The following CPNE4 variants were observed in gnomAD, a reference collection of about 807,000 sequenced individuals.
CPNE4 encodes the protein copine-4.
CPNE4 carries 25 observed loss-of-function variants against 67.9 expected under a neutral mutation model. That is an observed-to-expected ratio of 0.37 (90% CI 0.27 to 0.51). The LOEUF (loss-of-function observed/expected upper bound fraction) is 0.51, where lower values mean the gene tolerates loss of function less well. Among genes scored for constraint, CPNE4 ranks in the 20% least tolerant of loss-of-function variants. The probability of loss-of-function intolerance (pLI) is 0.93; values close to 1 mark genes in which losing one functional copy is unlikely to be tolerated. For missense variants in CPNE4, 464 were observed against 690.8 expected (o/e 0.67, Z 3.68); for synonymous variants, 242 against 244.9 (o/e 0.99, Z 0.11).
chr3:131,993,574 T>TA lies in CPNE4; in HGVS notation c.-2+40992dup, dbSNP rs1172278185. On this transcript the variant is annotated intron_variant, in intron 1 of 15. Transcript: ENST00000429747. ...TGGGTTCTGCATAAGACCAACATCC[T>TA]AAAGTGCAGCAGAAGCAGAATCAAA... Among the ~76,000 whole-genome samples the TA allele has an allele frequency of 6.1e-5, 8 of 131,482 alleles. 1 individual carries two copies. The highest frequency in any genetic ancestry group is 1.4e-4 in the Non-Finnish European group (8 of 58,670). 86.3% of individuals were successfully genotyped at this position (131,482 alleles called of 152,430 possible). A position where few individuals can be genotyped will look rare whatever the true frequency, so the allele number is the denominator to read the frequency against.
At chr3:131,607,668 C>A (rs781311554) in intron 7 of CPNE4, among the ~76,000 whole-genome samples, 9 of 152,054 alleles carry the variant, frequency 5.9e-5, no homozygotes, top group Non-Finnish European at 8.8e-5. Flanking sequence ...AGTGGCAAAG[C>A]ATTTTAAAAG....
chr3:131,587,539 A>G lies in CPNE4; in HGVS notation c.725T>C (p.Ile242Thr), dbSNP rs1331808827. The change falls in exon 8 of 16, where the codon ATT (isoleucine) becomes ACT (threonine). Residue 242 changes from isoleucine (I) to threonine (T), a missense_variant. Physicochemically the swap from Ile to Thr is moderately conservative, Grantham distance 89. Transcript: ENST00000429747. ...CTTGAATGTCGAGGTGAATTCTCCA[A>G]TGAAGTCATGCTTGCCATTGGAGTC... ...DWDSNGKHDF[I>T]GEFTSTFKEM... 1.2e-6 allele frequency: 2 copies of G among 1,613,732 alleles called. No homozygotes were observed. Among genetic ancestry groups the G allele is most frequent in the Non-Finnish European group, 8.5e-7 (1 of 1,179,696 alleles).
At chr3:131,639,687 A>G (rs1433995033) in intron 7 of CPNE4, among the ~76,000 whole-genome samples, 1 of 152,088 alleles carries the variant, frequency 6.6e-6, no homozygotes, top group Non-Finnish European at 1.5e-5. Flanking sequence ...TACCAAAACC[A>G]GGGAGGGATA....
At chr3:131,993,411 A>G (rs1428488069) in intron 1 of CPNE4, among the ~76,000 whole-genome samples, 2 of 124,016 alleles carry the variant, frequency 1.6e-5, no homozygotes, top group African/African-American at 5.2e-5. Flanking sequence ...ATTATTACTT[A>G]AAACTATTCA....
intron 1 of CPNE4, chr3:131,985,960 A>G (rs2046579741): frequency 6.5e-6 from 1 of 154,178 alleles, no homozygotes; most frequent in African/African-American, 2.4e-5. Context: ...AAATAATTCT[A>G]AGGGTTTTCA....
At chr3:131,836,063 T>G (rs979849798) in intron 2 of CPNE4, among the ~76,000 whole-genome samples, 1 of 152,314 alleles carries the variant, frequency 6.6e-6, no homozygotes, top group African/African-American at 2.4e-5. Flanking sequence ...CTTTGAGAAC[T>G]GAATGAATTA....
chr3:131,786,748 T>C (rs1361476656), intron 2 of CPNE4, among the ~76,000 whole-genome samples: 2 of 152,308 alleles, frequency 1.3e-5, no homozygotes, highest in East Asian at 3.9e-4. Flanking sequence ...ATGTACAATA[T>C]GAAGATTAAG....
At chr3:131,824,572 T>C (rs1341548946) in intron 2 of CPNE4, among the ~76,000 whole-genome samples, 7 of 152,184 alleles carry the variant, frequency 4.6e-5, no homozygotes, top group Admixed American at 3.9e-4. Context: ...TCTTTTAATG[T>C]TTCTGGGTCT....
At chr3:131,578,008 C>T (rs377040617) in intron 9 of CPNE4, among the ~76,000 whole-genome samples, 1 of 151,932 alleles carries the variant, frequency 6.6e-6, no homozygotes, top group African/African-American at 2.4e-5. Context: ...GTTGAGTCAT[C>T]GTAAATTGGG....
rs147059416 is a variant in CPNE4 at position 131,932,663 on chromosome 3, A to C, written c.-1-27219T>G. Reference sequence around the variant, plus strand: ...AGCCAAATAATTGATAGAACACTTCAAGCAGAATGAAGAGCACGCACTGGG... The same window carrying C: ...AGCCAAATAATTGATAGAACACTTCCAGCAGAATGAAGAGCACGCACTGGG... On this transcript the variant is annotated intron_variant, in intron 1 of 15. Transcript: ENST00000429747. Among the ~76,000 whole-genome samples the C allele has an allele frequency of 2.3e-3, 352 of 152,034 alleles. 3 individuals are homozygous for C. Among genetic ancestry groups the C allele is most frequent in the African/African-American group, 8.3e-3 (343 of 41,466 alleles).
chr3:131,961,999 C>T (rs981259956), intron 1 of CPNE4, among the ~76,000 whole-genome samples: 2 of 152,210 alleles, frequency 1.3e-5, no homozygotes, highest in Admixed American at 1.3e-4. Context: ...ATTTAATGGT[C>T]ATTCATGCAT....
chr3:131,899,747 T>C (rs1280131111), intron 2 of CPNE4, among the ~76,000 whole-genome samples: 8 of 152,146 alleles, frequency 5.3e-5, no homozygotes, highest in Non-Finnish European at 1.2e-4. Context: ...ATGTTAATAT[T>C]GCTTGTCCCA....
intron 1 of CPNE4, among the ~76,000 whole-genome samples, chr3:131,970,054 C>T (rs1361838076): frequency 1.3e-5 from 2 of 152,230 alleles, no homozygotes; most frequent in Non-Finnish European, 2.9e-5. Flanking sequence ...AGTCAAACTT[C>T]CCTGCCCTCT....
intron 2 of CPNE4, among the ~76,000 whole-genome samples, chr3:131,856,138 C>A (rs551284369): frequency 5.4e-4 from 82 of 152,000 alleles, no homozygotes; most frequent in African/African-American, 2.0e-3. Context: ...AGGAAAATCA[C>A]CAATATCAAA....
chr3:131,666,062 C>T (rs796575490), intron 7 of CPNE4, among the ~76,000 whole-genome samples: 1 of 151,718 alleles, frequency 6.6e-6, no homozygotes, highest in African/African-American at 2.4e-5. Context: ...CCAGGAAAAC[C>T]CTTAAGAAGG....
At chr3:131,579,731 C>A (rs1230802781) in intron 9 of CPNE4, among the ~76,000 whole-genome samples, 1 of 152,052 alleles carries the variant, frequency 6.6e-6, no homozygotes, top group Non-Finnish European at 1.5e-5. Flanking sequence ...AGCAAGGGAA[C>A]CGGAATTATA....
intron 2 of CPNE4, among the ~76,000 whole-genome samples, chr3:131,867,521 C>G (rs775390400): frequency 1.1e-5 from 1 of 92,038 alleles, no homozygotes; most frequent in Non-Finnish European, 2.5e-5. Flanking sequence ...GGAAGGCATG[C>G]GGGTGGGGGG....
chr3:131,946,204 C>T (rs867433602), intron 1 of CPNE4, among the ~76,000 whole-genome samples: 19 of 152,146 alleles, frequency 1.2e-4, no homozygotes, highest in African/African-American at 4.6e-4. Flanking sequence ...CCCCTGACAA[C>T]CACCAATCCA....
chr3:131,615,539 AAT>A (rs1399028959), intron 7 of CPNE4, among the ~76,000 whole-genome samples: 1 of 152,204 alleles, frequency 6.6e-6, no homozygotes, highest in African/African-American at 2.4e-5. Flanking sequence ...GTCAATGAAT[AAT>A]AGAGTGGTAT....
Sources: allele counts gnomAD v4.1 joint callset (sites outside exome capture counted in the v4.1 genomes callset), GRCh38; gene constraint gnomAD v4.1.1; transcripts MANE v1.5; gene names NCBI Gene and HGNC (gene_info 2026-07-23, HGNC 2026-07-21).